The following EXO1 variants were observed in gnomAD, a reference collection of about 807,000 sequenced individuals.
EXO1 encodes exonuclease 1.
In EXO1, 69 loss-of-function variants were observed where a neutral mutation model predicts 84.5. The observed-to-expected ratio is 0.82, with a 90% confidence interval of 0.67 to 1.00. The LOEUF (loss-of-function observed/expected upper bound fraction) is 1.00, where lower values mean the gene tolerates loss of function less well. Ranked by LOEUF, EXO1 falls within the 50% of genes least tolerant of loss-of-function variation. The pLI, the probability that EXO1 is intolerant of heterozygous loss-of-function variation, is 0.00. For missense variants in EXO1, 1,045 were observed against 1,000.7 expected, an observed-to-expected ratio of 1.04 and a Z score of -0.60; for synonymous variants, 373 against 366.1, an observed-to-expected ratio of 1.02 and a Z score of -0.21.
At chr1:241,865,485 A>G (rs1357218831) in intron 10 of EXO1, among the ~76,000 whole-genome samples, 4 of 152,012 alleles carry the variant, frequency 2.6e-5, no homozygotes. Flanking sequence ...TGCTGGGATT[A>G]CAGGTGTGAG....
At chr1:241,867,228 A>G (rs1318966224) in intron 11 of EXO1, among the ~76,000 whole-genome samples, 173 bp downstream of exon 11, 1 of 152,204 alleles carries the variant, frequency 6.6e-6, no homozygotes, top group Admixed American at 6.5e-5. Flanking sequence ...GCAATTTACA[A>G]AAGAAAGAGG....
chr1:241,849,473 T>C (rs746606390), intron 3 of EXO1, among the ~76,000 whole-genome samples: 1 of 152,208 alleles, frequency 6.6e-6, no homozygotes, highest in Non-Finnish European at 1.5e-5. Flanking sequence ...GAAGCTGTAT[T>C]TGCATAGCAG....
rs1220151300 is a variant in EXO1, at chr1:241,855,883, G to GCCAAGC, written c.406-1458_406-1453dup. On this transcript the variant is annotated intron_variant, in intron 6 of 15. Transcript: ENST00000366548. ...GGCCGGCTGCTCTGAGTGCGGGGCC[G>GCCAAGC]CCAAGCCCACGCCCACCCGGAACTC... Among the ~76,000 whole-genome samples, 6 of 152,340 alleles carry GCCAAGC rather than the reference G, an allele frequency of 3.9e-5. No homozygotes were observed. In the East Asian group the frequency reaches 1.2e-3, roughly 29 times the overall value.
Position 241,885,526 on chromosome 1 carries a change from T to A in EXO1, c.2405+19T>A. On this transcript the variant is annotated intron_variant, in intron 15 of 15. Coordinates refer to ENST00000366548, the MANE Select transcript of EXO1 (RefSeq NM_130398.4). ...TTAAAAAGTGAGTTGCCTTGTTTCT[T>A]ATTCTGAAACAAGATAAACTGTTAT... The A allele has an allele frequency of 1.9e-6, 3 of 1,554,466 alleles. No individual in the cohort carries two copies. Among genetic ancestry groups the A allele is most frequent in the Non-Finnish European group, 2.7e-6 (3 of 1,125,820 alleles).
At chr1:241,866,459 T>C (rs1354221799) in intron 10 of EXO1, among the ~76,000 whole-genome samples, 1 of 152,194 alleles carries the variant, frequency 6.6e-6, no homozygotes, top group African/African-American at 2.4e-5. Flanking sequence ...ATTTCTTCAG[T>C]TGTGGTCTTA....
intron 10 of EXO1, among the ~76,000 whole-genome samples, chr1:241,864,853 G>A (rs1041649916): frequency 6.6e-6 from 1 of 151,238 alleles, no homozygotes; most frequent in African/African-American, 2.4e-5. Context: ...CTGAACTATT[G>A]ACAGTATTTA....
Position 241,861,020 on chromosome 1 carries a change from C to G in EXO1, c.944+316C>G, listed in dbSNP as rs147251344. 2.5e-4 allele frequency among the ~76,000 whole-genome samples: 38 copies of G among 152,298 alleles called. No individual in the cohort carries two copies. In the East Asian group the frequency reaches 7.0e-3, roughly 28 times the overall value. ...AGAGGACCTCCTCGTGGCAAGCAAG[C>G]TCGACTTATCAGGAAGAGCATTCTG... is the stretch of plus-strand genomic sequence containing the variant. On this transcript the variant is annotated intron_variant, in intron 9 of 15. Transcript: ENST00000366548.
chr1:241,885,896 C>T (rs1448471782), intron 15 of EXO1, among the ~76,000 whole-genome samples: 3 of 148,856 alleles, frequency 2.0e-5, no homozygotes, highest in Non-Finnish European at 4.4e-5. Context: ...TCTTGTTACC[C>T]AGGCTGGAAT....
chr1:241,888,576 G>A (rs960002697), intron 15 of EXO1, among the ~76,000 whole-genome samples: 7 of 152,182 alleles, frequency 4.6e-5, no homozygotes, highest in Non-Finnish European at 7.3e-5. Context: ...AGGGGTTGTG[G>A]AACATGCTTT....
chr1:241,868,495 A>T (rs1488280444), intron 11 of EXO1, among the ~76,000 whole-genome samples: 1 of 152,174 alleles, frequency 6.6e-6, no homozygotes, highest in African/African-American at 2.4e-5. Context: ...ACAAAAAATA[A>T]ATACAAAAGA....
intron 10 of EXO1, among the ~76,000 whole-genome samples, chr1:241,861,849 C>T (rs4149922): frequency 0.017 from 2,578 of 152,232 alleles, 68 homozygotes; most frequent in African/African-American, 0.059. Flanking sequence ...AGGAATGCTA[C>T]GGGAGTTAAA....
chr1:241,889,382 C>T, intron 15 of EXO1, 83 bp from the exon 16 acceptor site: 1 of 1,220,518 alleles, frequency 8.2e-7, no homozygotes, highest in East Asian at 2.4e-5. Flanking sequence ...TCTTCATGTC[C>T]CTCTATTTTG....
At chr1:241,883,500 T>A (rs1304106250) in intron 14 of EXO1, among the ~76,000 whole-genome samples, 1 of 152,008 alleles carries the variant, frequency 6.6e-6, no homozygotes, top group Non-Finnish European at 1.5e-5. Flanking sequence ...TCTAATCACC[T>A]CTCAAAAATC....
At chr1:241,859,180 C>T (rs1661231791) in intron 8 of EXO1, among the ~76,000 whole-genome samples, 1 of 152,064 alleles carries the variant, frequency 6.6e-6, no homozygotes, top group African/African-American at 2.4e-5. Context: ...TTCACTTAAA[C>T]TTTATAATAA....
intron 10 of EXO1, among the ~76,000 whole-genome samples, chr1:241,865,053 G>C (rs1465139417): frequency 6.9e-6 from 1 of 145,134 alleles, no homozygotes; most frequent in Non-Finnish European, 1.5e-5. Context: ...TTGTGTGTGT[G>C]GGGGGGGGGT....
chr1:241,882,118 A>G, intron 14 of EXO1, 101 bp downstream of exon 14: 1 of 656,758 alleles, frequency 1.5e-6, no homozygotes. Flanking sequence ...AAATACCTGT[A>G]GTCTCATTTA....
chr1:241,860,421 T>C, intron 8 of EXO1, 96 bp from the exon 9 acceptor site: 1 of 987,458 alleles, frequency 1.0e-6, no homozygotes, highest in Non-Finnish European at 1.6e-6. Context: ...AGTTAATGTT[T>C]CAATCCCTCT....
At chr1:241,857,250 C>A in intron 6 of EXO1, 95 bp from the exon 7 acceptor site, 1 of 1,162,550 alleles carries the variant, frequency 8.6e-7, no homozygotes, top group Non-Finnish European at 1.3e-6. Context: ...TAGCATGTGC[C>A]TGCTGAGGCT....
At chr1:241,878,453 C>T (rs1402468113) in intron 12 of EXO1, among the ~76,000 whole-genome samples, 15 of 150,566 alleles carry the variant, frequency 1.0e-4, no homozygotes, top group South Asian at 4.2e-4. Context: ...GCCAAGATCC[C>T]GCCACTGCAC....
Sources: gnomAD v4.1 joint callset for allele counts (sites outside exome capture counted in the v4.1 genomes callset) on GRCh38, gnomAD v4.1.1 for gene constraint, MANE v1.5 for transcripts, NCBI Gene and HGNC (gene_info 2026-07-23, HGNC 2026-07-21) for gene names.